HUNK: variants seen among roughly 807,000 people sequenced by gnomAD.
HUNK encodes hormonally up-regulated Neu-associated kinase, also known as hormonally up-regulated neu tumor-associated kinase.
Under a neutral mutation model 61.0 loss-of-function variants are expected in HUNK, and 21 were observed. That is an observed-to-expected ratio of 0.34 (90% CI 0.24 to 0.50). The LOEUF (loss-of-function observed/expected upper bound fraction) is 0.50. HUNK is among the 20% of genes least tolerant of loss of function. The pLI, the probability that HUNK is intolerant of heterozygous loss-of-function variation, is 0.98. For missense variants in HUNK, 772 were observed against 945.7 expected (o/e 0.82, Z 2.41); for synonymous variants, 371 against 386.1 (o/e 0.96, Z 0.46).
intron 8 of HUNK, among the ~76,000 whole-genome samples, chr21:31,984,510 T>A (rs1398954191): frequency 6.6e-6 from 1 of 152,218 alleles, no homozygotes; most frequent in Non-Finnish European, 1.5e-5. Flanking sequence ...CAGGCTTTCC[T>A]GGCCAGCTGT....
At chr21:31,971,973 A>G (rs2053014861) in intron 6 of HUNK, among the ~76,000 whole-genome samples, 1 of 152,042 alleles carries the variant, frequency 6.6e-6, no homozygotes. Context: ...GACTACAGGC[A>G]TGTGCTACCA....
intron 6 of HUNK, among the ~76,000 whole-genome samples, chr21:31,969,885 T>C (rs1423815015): frequency 4.6e-5 from 7 of 152,168 alleles, no homozygotes; most frequent in Non-Finnish European, 1.0e-4. Context: ...GTATATTTTT[T>C]TCTACTCATT....
At chr21:31,965,193 G>A (rs13048700) in intron 5 of HUNK, among the ~76,000 whole-genome samples, 52,643 of 151,844 alleles carry the variant, frequency 0.35, 9,631 homozygotes, top group African/African-American at 0.45. Context: ...AAACTAACAC[G>A]GGAACAGAAA....
chr21:32,000,520 A>C lies in HUNK; in HGVS notation c.*1336A>C. On this transcript the variant is annotated 3_prime_UTR_variant, in exon 11 of 11. Coordinates refer to ENST00000270112, the MANE Select transcript of HUNK (RefSeq NM_014586.2). The stretch of plus-strand genomic sequence containing the variant: ...TGCAGTCATTGGTGAGAAGAATCAG[A>C]AAAAGAAGACCCATCAGCACAGGTT... 1 of 399,230 alleles carries C rather than the reference A, an allele frequency of 2.5e-6. No individual in the cohort carries two copies. The highest frequency in any genetic ancestry group is 4.4e-6 in the Non-Finnish European group (1 of 226,202). 24.7% of individuals were successfully genotyped at this position (399,230 alleles called of 1,614,324 possible).
intron 6 of HUNK, 39 bp downstream of exon 6, chr21:31,968,424 G>T: frequency 1.2e-6 from 2 of 1,612,040 alleles, no homozygotes; most frequent in Non-Finnish European, 1.7e-6. Context: ...CGGGAGAGAC[G>T]GGGCCTGTCC....
chr21:31,961,950 A>G (rs1334511025), intron 5 of HUNK, among the ~76,000 whole-genome samples: 1 of 152,206 alleles, frequency 6.6e-6, no homozygotes, highest in Non-Finnish European at 1.5e-5. Context: ...GCTCAGGACC[A>G]CAAAGGTTTA....
chr21:31,956,423 C>T (rs2052889767), intron 4 of HUNK, among the ~76,000 whole-genome samples: 1 of 152,190 alleles, frequency 6.6e-6, no homozygotes, highest in Non-Finnish European at 1.5e-5. Context: ...GTATGCAAAA[C>T]TCTACAATTT....
At chr21:31,991,471 G>A (rs1251332356) in intron 9 of HUNK, among the ~76,000 whole-genome samples, 7 of 152,030 alleles carry the variant, frequency 4.6e-5, no homozygotes, top group Non-Finnish European at 1.0e-4. Flanking sequence ...TGCCTGCCTC[G>A]GCCTCCCAAA....
At chr21:31,982,592 A>G (rs2053105270) in intron 7 of HUNK, among the ~76,000 whole-genome samples, 1 of 152,162 alleles carries the variant, frequency 6.6e-6, no homozygotes, top group South Asian at 2.1e-4. Flanking sequence ...GGCATTTATT[A>G]ACTATTTGTT....
intron 4 of HUNK, among the ~76,000 whole-genome samples, chr21:31,952,858 G>A (rs1020250254): frequency 3.3e-5 from 5 of 151,664 alleles, no homozygotes; most frequent in East Asian, 1.9e-4. Context: ...ACCCCTGGTC[G>A]TATTTGATTG....
rs527974825 is a variant in HUNK at position 31,892,527 on chromosome 21, G to A, written c.261+18592G>A. ...GGAGGTTGCAGTGAGCCGAGATTGC[G>A]CCACTGCTCTTTAACCTGGGCAAAA... is the stretch of plus-strand genomic sequence containing the variant. On this transcript the variant is annotated intron_variant, in intron 1 of 10. Coordinates refer to ENST00000270112, the MANE Select transcript of HUNK (RefSeq NM_014586.2). Among the ~76,000 whole-genome samples the A allele has an allele frequency of 5.6e-5, 8 of 143,462 alleles. No homozygotes were observed. In the South Asian group the frequency reaches 1.3e-3, roughly 24 times the overall value. The allele number at this position is 143,462 out of a possible 152,430, so 94.1% of individuals were successfully genotyped here. A position where few individuals can be genotyped will look rare whatever the true frequency, so the allele number is the denominator to read the frequency against.
chr21:31,958,698 G>A (rs2052906433), intron 4 of HUNK, 145 bp from the exon 5 acceptor site: 3 of 703,606 alleles, frequency 4.3e-6, no homozygotes, highest in South Asian at 2.4e-5. Flanking sequence ...ATGACACTGA[G>A]CATTCTACAA....
chr21:31,920,589 A>G (rs1417201340), intron 1 of HUNK, among the ~76,000 whole-genome samples: 1 of 152,166 alleles, frequency 6.6e-6, no homozygotes, highest in Non-Finnish European at 1.5e-5. Context: ...GATATGAAAT[A>G]TGTGTGTGTC....
At chr21:31,906,616 G>A (rs902895696) in intron 1 of HUNK, among the ~76,000 whole-genome samples, 4 of 152,008 alleles carry the variant, frequency 2.6e-5, no homozygotes, top group African/African-American at 9.7e-5. Flanking sequence ...TTTTTGTAGA[G>A]ATGGAGCTTC....
At chr21:31,973,426 G>A (rs573954873) in intron 6 of HUNK, among the ~76,000 whole-genome samples, 66 of 152,196 alleles carry the variant, frequency 4.3e-4, no homozygotes, top group Middle Eastern at 3.4e-3. Flanking sequence ...CTGTCCTTGC[G>A]ATAGTTTGTT....
intron 1 of HUNK, among the ~76,000 whole-genome samples, chr21:31,908,006 T>C (rs1295527114): frequency 2.0e-5 from 3 of 151,394 alleles, no homozygotes; most frequent in South Asian, 2.1e-4. Context: ...AAAAAAAAAA[T>C]GGTGAGGACA....
intron 4 of HUNK, among the ~76,000 whole-genome samples, chr21:31,949,106 G>A (rs1164653779): frequency 6.6e-6 from 1 of 152,208 alleles, no homozygotes; most frequent in Non-Finnish European, 1.5e-5. Flanking sequence ...AGGCACACAC[G>A]AGCCCGAATG....
At chr21:31,970,436 G>C (rs2053001831) in intron 6 of HUNK, among the ~76,000 whole-genome samples, 1 of 152,168 alleles carries the variant, frequency 6.6e-6, no homozygotes, top group South Asian at 2.1e-4. Context: ...ATAGATTGCT[G>C]TTTTCCAATA....
chr21:31,991,495 A>G (rs983685249), intron 9 of HUNK, among the ~76,000 whole-genome samples: 1 of 152,190 alleles, frequency 6.6e-6, no homozygotes, highest in Non-Finnish European at 1.5e-5. Context: ...CTGGGATTAC[A>G]AGCATGAGCC....
Sources: allele counts gnomAD v4.1 joint callset (sites outside exome capture counted in the v4.1 genomes callset), GRCh38; gene constraint gnomAD v4.1.1; transcripts MANE v1.5; gene names NCBI Gene and HGNC (gene_info 2026-07-23, HGNC 2026-07-21).